Variants in PCDHA11 observed in about 807,000 individuals in gnomAD.
PCDHA11 encodes protocadherin alpha 11, also known as protocadherin alpha-11.
PCDHA11 carries 61 observed loss-of-function variants against 70.3 expected under a neutral mutation model. The ratio of observed to expected loss-of-function variants is 0.87; its 90% CI spans 0.71 to 1.07. The LOEUF (loss-of-function observed/expected upper bound fraction) is 1.07. Ranked by LOEUF, PCDHA11 falls within the 50% of genes least tolerant of loss-of-function variation. PCDHA11 has a pLI of 0.00. For missense variants in PCDHA11, 1,324 were observed against 1,237.5 expected (o/e 1.07, Z -1.05); for synonymous variants, 633 against 555.1 (o/e 1.14, Z -1.97).
At chr5:140,924,725 C>T (rs1015635507) in intron 1 of PCDHA11, among the ~76,000 whole-genome samples, 71 of 151,698 alleles carry the variant, frequency 4.7e-4, no homozygotes, top group African/African-American at 1.6e-3. Flanking sequence ...CGAAACCTCA[C>T]CTCTAATAAA....
intron 1 of PCDHA11, among the ~76,000 whole-genome samples, chr5:140,913,101 T>C (rs1352707377): frequency 5.9e-5 from 9 of 152,200 alleles, no homozygotes; most frequent in Non-Finnish European, 1.0e-4. Flanking sequence ...ACTGGCCTCA[T>C]AGAATCAGTT....
rs1554231011 is a variant in PCDHA11 at position 140,968,738 on chromosome 5, C to G, written c.2392-10211C>G. 10 of 1,614,040 alleles carry G rather than the reference C, an allele frequency of 6.2e-6. No individual in the cohort carries two copies. The Admixed American group carries it at 6.7e-5, about 11-fold the overall frequency. On this transcript the variant is annotated intron_variant, in intron 1 of 3. Transcript: ENST00000398640. ...AGATGAGAGTGGTAGCACTTTCAAC[C>G]TGACCGTGGTGGTCCGAGATAATGG...
rs1554262721 is a variant in PCDHA11, at chr5:141,010,165, GA to G, written c.*230del. ...TTCTCTCCACTCTGGCTTGTTTTCA[GA>G]ACCTAAAAAGCAGACCCAAGTTTCC... On this transcript the variant is annotated 3_prime_UTR_variant, in exon 4 of 4. Coordinates refer to ENST00000398640, the MANE Select transcript of PCDHA11 (RefSeq NM_018902.5). The G allele has an allele frequency of 1.9e-6, 3 of 1,563,714 alleles. No homozygotes were observed.
At chr5:140,947,647 A>G (rs1192426462) in intron 1 of PCDHA11, among the ~76,000 whole-genome samples, 1 of 151,646 alleles carries the variant, frequency 6.6e-6, no homozygotes, top group African/African-American at 2.4e-5. Flanking sequence ...ATGAACATAT[A>G]TACCTCCATT....
At chr5:140,952,125 AG>A (rs1234128402) in intron 1 of PCDHA11, among the ~76,000 whole-genome samples, 1 of 152,092 alleles carries the variant, frequency 6.6e-6, no homozygotes, top group Non-Finnish European at 1.5e-5. Context: ...TGGGCTCCCA[AG>A]GCCTTGGGAA....
intron 3 of PCDHA11, among the ~76,000 whole-genome samples, chr5:140,985,840 T>C (rs1441638586): frequency 2.0e-5 from 3 of 149,512 alleles, no homozygotes; most frequent in African/African-American, 7.4e-5. Flanking sequence ...CCCGGGTTCA[T>C]GCCACTCTCC....
chr5:141,006,002 G>T (rs185630910), intron 3 of PCDHA11, among the ~76,000 whole-genome samples: 1 of 151,740 alleles, frequency 6.6e-6, no homozygotes, highest in East Asian at 1.9e-4. Context: ...CTGAAAGAAG[G>T]CCTGTATGGT....
intron 1 of PCDHA11, chr5:140,969,617 A>G (rs2096348108): frequency 4.3e-6 from 3 of 705,552 alleles, no homozygotes; most frequent in Non-Finnish European, 6.8e-6. Context: ...ACAGATTTGT[A>G]GAGAAACAGG....
Position 140,887,400 on chromosome 5 carries a change from A to G in PCDHA11, c.2391+15906A>G, listed in dbSNP as rs563892577. Among the ~76,000 whole-genome samples, 411 of 152,184 alleles carry G rather than the reference A, an allele frequency of 2.7e-3. 1 individual carries two copies. The highest frequency in any genetic ancestry group is 4.5e-3 in the Non-Finnish European group (305 of 68,000). On this transcript the variant is annotated intron_variant, in intron 1 of 3. Transcript: ENST00000398640. ...TGTGAGCCACCGCGCCCGGCTCTTT[A>G]TCTCATTTTTATTTTTGAAAAAGTA...
Position 141,010,268 on chromosome 5 carries a change from A to T in PCDHA11, c.*331A>T. 1 of 1,551,622 alleles carries T rather than the reference A, an allele frequency of 6.4e-7. No homozygotes were observed. Among genetic ancestry groups the T allele is most frequent in the Non-Finnish European group, 8.7e-7 (1 of 1,146,964 alleles). On this transcript the variant is annotated 3_prime_UTR_variant, in exon 4 of 4. Coordinates refer to ENST00000398640, the MANE Select transcript of PCDHA11 (RefSeq NM_018902.5). ...GGACTCTCTGCCCTGTGCTCCGGGG[A>T]TCCTGTCTTGATGACACTTGCAGGG...
intron 3 of PCDHA11, among the ~76,000 whole-genome samples, chr5:140,992,035 G>C (rs529236840): frequency 6.6e-6 from 1 of 151,988 alleles, no homozygotes; most frequent in South Asian, 2.1e-4. Flanking sequence ...GTGTGTGTGT[G>C]TGTGTGTGTG....
chr5:141,003,352 C>T (rs747533399), intron 3 of PCDHA11, among the ~76,000 whole-genome samples: 38 of 152,318 alleles, frequency 2.5e-4, no homozygotes, highest in Non-Finnish European at 1.5e-4. Context: ...TGCTCTGTCA[C>T]CCAGGCTGGA....
chr5:140,914,130 A>G (rs552189632), intron 1 of PCDHA11, among the ~76,000 whole-genome samples: 2 of 152,146 alleles, frequency 1.3e-5, no homozygotes, highest in African/African-American at 4.8e-5. Flanking sequence ...TTCTTTGTTG[A>G]GTTTTTGTCT....
chr5:140,941,191 T>TTTCTTTCTTTCTTTCTTTC (rs1487503403), intron 1 of PCDHA11, among the ~76,000 whole-genome samples: 6 of 93,258 alleles, frequency 6.4e-5, no homozygotes, highest in Middle Eastern at 5.1e-3. Flanking sequence ...GCTTCTTTTT[T>TTTCTTTCTTTCTTTCTTTC]TTTCTTTCTT....
intron 1 of PCDHA11, among the ~76,000 whole-genome samples, chr5:140,912,283 A>G (rs1442282452): frequency 6.6e-6 from 1 of 152,104 alleles, no homozygotes; most frequent in Non-Finnish European, 1.5e-5. Flanking sequence ...ACCCAGGAAC[A>G]ATACTTTGCC....
chr5:141,004,144 A>C (rs1451902723), intron 3 of PCDHA11, among the ~76,000 whole-genome samples: 3 of 152,250 alleles, frequency 2.0e-5, no homozygotes, highest in Non-Finnish European at 2.9e-5. Context: ...CCCCAAAGGC[A>C]TGACATTTTA....
intron 1 of PCDHA11, chr5:140,966,877 T>A (rs782616985): frequency 6.3e-7 from 1 of 1,586,572 alleles, no homozygotes; most frequent in Admixed American, 1.8e-5. Context: ...TGCTGCTACC[T>A]GGCCCTGCGG....
At chr5:140,972,740 T>G (rs2096553417) in intron 1 of PCDHA11, among the ~76,000 whole-genome samples, 1 of 149,910 alleles carries the variant, frequency 6.7e-6, no homozygotes, top group Admixed American at 6.8e-5. Flanking sequence ...CCCGGCTCAC[T>G]GCAACCTCCG....
intron 3 of PCDHA11, among the ~76,000 whole-genome samples, chr5:141,006,466 G>T (rs2153987717): frequency 6.6e-6 from 1 of 152,178 alleles, no homozygotes; most frequent in South Asian, 2.1e-4. Context: ...GCCTGTCTCG[G>T]CCTCCCAAAG....
Sources: gnomAD v4.1 joint callset for allele counts (sites outside exome capture counted in the v4.1 genomes callset) on GRCh38, gnomAD v4.1.1 for gene constraint, MANE v1.5 for transcripts, NCBI Gene and HGNC (gene_info 2026-07-23, HGNC 2026-07-21) for gene names.